Variants in PTPRD observed in about 807,000 individuals in gnomAD.
The protein encoded by PTPRD is receptor-type tyrosine-protein phosphatase delta.
In PTPRD, 34 loss-of-function variants were observed where a neutral mutation model predicts 214.5. The ratio of observed to expected loss-of-function variants is 0.16; its 90% CI spans 0.12 to 0.21. PTPRD has a LOEUF of 0.21. PTPRD is among the 10% of genes least tolerant of loss of function. The pLI, the probability that PTPRD is intolerant of heterozygous loss-of-function variation, is 1.00. For synonymous variants in PTPRD, 1,128 were observed against 845.7 expected, an observed-to-expected ratio of 1.33 and a Z score of -5.79; for missense variants, 2,545 against 2,398.7, an observed-to-expected ratio of 1.06 and a Z score of -1.27.
At chr9:9,422,998 T>C (rs2079377724) in intron 8 of PTPRD, among the ~76,000 whole-genome samples, 1 of 152,102 alleles carries the variant, frequency 6.6e-6, no homozygotes, top group Non-Finnish European at 1.5e-5. Context: ...TCTTGGCGTA[T>C]AACACAAAGT....
At chr9:9,063,563 C>G (rs567190723) in intron 10 of PTPRD, among the ~76,000 whole-genome samples, 24 of 152,200 alleles carry the variant, frequency 1.6e-4, no homozygotes, top group African/African-American at 4.6e-4. Flanking sequence ...ACATTTTCTC[C>G]TCTAATATAA....
intron 37 of PTPRD, among the ~76,000 whole-genome samples, chr9:8,384,540 G>GTTTTT: frequency 6.6e-6 from 1 of 151,762 alleles, no homozygotes; most frequent in East Asian, 1.9e-4. Flanking sequence ...TTTTGTTTTT[G>GTTTTT]TTTTGAGATG....
intron 11 of PTPRD, among the ~76,000 whole-genome samples, chr9:8,932,542 G>A (rs1041227032): frequency 2.6e-5 from 4 of 152,182 alleles, no homozygotes; most frequent in South Asian, 2.1e-4. Flanking sequence ...GACTGTGGCT[G>A]CTGCCTTTCT....
At chr9:10,263,272 G>T (rs1444810064) in intron 3 of PTPRD, among the ~76,000 whole-genome samples, 1 of 152,156 alleles carries the variant, frequency 6.6e-6, no homozygotes, top group Admixed American at 6.5e-5. Flanking sequence ...ACAGGCAGAG[G>T]TTGAAACAGT....
At chr9:10,279,708 GAA>G (rs34503009) in intron 3 of PTPRD, among the ~76,000 whole-genome samples, 6,413 of 131,128 alleles carry the variant, frequency 0.049, 386 homozygotes, top group Admixed American at 0.18. Context: ...GTGCAAAACA[GAA>G]AAAAAAAAAA....
At chr9:9,822,763 A>T (rs2051236351) in intron 5 of PTPRD, among the ~76,000 whole-genome samples, 1 of 152,008 alleles carries the variant, frequency 6.6e-6, no homozygotes, top group Non-Finnish European at 1.5e-5. Flanking sequence ...CAAAATATGC[A>T]ATTTTTTGAG....
At chr9:8,529,460 A>G (rs1296760049) in intron 14 of PTPRD, among the ~76,000 whole-genome samples, 1 of 152,120 alleles carries the variant, frequency 6.6e-6, no homozygotes, top group Non-Finnish European at 1.5e-5. Context: ...TGGCACAAAA[A>G]CACATGTTCC....
At chr9:9,365,143 G>T (rs1212506592) in intron 9 of PTPRD, among the ~76,000 whole-genome samples, 1 of 151,402 alleles carries the variant, frequency 6.6e-6, no homozygotes, top group African/African-American at 2.4e-5. Flanking sequence ...AATACTATCA[G>T]CAGAGAGGAC....
At chr9:9,458,251 T>C (rs1222301502) in intron 8 of PTPRD, among the ~76,000 whole-genome samples, 1 of 152,010 alleles carries the variant, frequency 6.6e-6, no homozygotes, top group Admixed American at 6.6e-5. Context: ...ACAATTCAAG[T>C]GTACAATGGA....
chr9:8,891,619 C>T (rs1202674757), intron 11 of PTPRD, among the ~76,000 whole-genome samples: 7 of 152,092 alleles, frequency 4.6e-5, no homozygotes, highest in African/African-American at 1.4e-4. Flanking sequence ...CTAGGAAAGC[C>T]ACACAATGGC....
chr9:9,912,293 G>C (rs926104021), intron 5 of PTPRD, among the ~76,000 whole-genome samples: 1 of 152,126 alleles, frequency 6.6e-6, no homozygotes, highest in African/African-American at 2.4e-5. Context: ...CATTTGTTCT[G>C]AGTTGGAATA....
chr9:10,009,777 A>T (rs530288464), intron 4 of PTPRD, among the ~76,000 whole-genome samples: 1 of 152,070 alleles, frequency 6.6e-6, no homozygotes, highest in South Asian at 2.1e-4. Flanking sequence ...ATATTTTGGG[A>T]TAAAACATTT....
At chr9:10,461,352 GA>G (rs1174159671) in intron 2 of PTPRD, among the ~76,000 whole-genome samples, 1 of 151,584 alleles carries the variant, frequency 6.6e-6, no homozygotes, top group Non-Finnish European at 1.5e-5. Context: ...ACCATTCTAA[GA>G]AAATAAAATC....
intron 7 of PTPRD, among the ~76,000 whole-genome samples, chr9:9,654,381 A>C (rs2096456746): frequency 6.6e-6 from 1 of 152,108 alleles, no homozygotes; most frequent in Admixed American, 6.5e-5. Context: ...ATATTTATAC[A>C]CATGTCTAAG....
chr9:9,900,647 T>TTTTTTGTTTTTTTTTTTG (rs1437828513), intron 5 of PTPRD, among the ~76,000 whole-genome samples: 6 of 148,850 alleles, frequency 4.0e-5, no homozygotes, highest in Admixed American at 2.6e-4. Flanking sequence ...TCAGGTTTTT[T>TTTTTTGTTTTTTTTTTTG]TTTTTTTTGA....
chr9:10,502,102 G>C (rs1023646855), intron 2 of PTPRD, among the ~76,000 whole-genome samples: 1 of 151,678 alleles, frequency 6.6e-6, no homozygotes, highest in African/African-American at 2.4e-5. Context: ...CCAAGCAAGA[G>C]AAAAGAAAAC....
At chr9:8,363,933 C>T (rs1564291187) in intron 39 of PTPRD, among the ~76,000 whole-genome samples, 1 of 152,176 alleles carries the variant, frequency 6.6e-6, no homozygotes, top group African/African-American at 2.4e-5. Context: ...ATTTCTGTAA[C>T]AAGAAATTCT....
At chr9:8,907,533 A>AATATATATATAT (rs1555505761) in intron 11 of PTPRD, among the ~76,000 whole-genome samples, 1 of 118,244 alleles carries the variant, frequency 8.5e-6, no homozygotes, top group East Asian at 2.6e-4. Flanking sequence ...AAAAAAAAAA[A>AATATATATATAT]ATATATATAT....
intron 3 of PTPRD, among the ~76,000 whole-genome samples, chr9:10,155,013 T>C (rs145989094): frequency 6.6e-6 from 1 of 152,114 alleles, no homozygotes; most frequent in Non-Finnish European, 1.5e-5. Context: ...AATAATAGTA[T>C]TGAATCTTTG....
Sources: allele counts gnomAD v4.1 joint callset (sites outside exome capture counted in the v4.1 genomes callset), GRCh38; gene constraint gnomAD v4.1.1; transcripts MANE v1.5; gene names NCBI Gene and HGNC (gene_info 2026-07-23, HGNC 2026-07-21).